The following PLPPR1 variants were observed in gnomAD, a reference collection of about 807,000 sequenced individuals.
PLPPR1 encodes phospholipid phosphatase related 1.
PLPPR1 carries 10 observed loss-of-function variants against 33.1 expected under a neutral mutation model. The observed-to-expected ratio is 0.30, with a 90% CI of 0.19 to 0.51. The LOEUF is 0.51. Ranked by LOEUF, PLPPR1 falls within the 20% of genes least tolerant of loss-of-function variation. PLPPR1 has a pLI of 0.97. For missense variants in PLPPR1, 304 were observed against 408.1 expected (o/e 0.74, Z 2.20); for synonymous variants, 151 against 151.0 (o/e 1.00, Z 0.00).
intron 2 of PLPPR1, among the ~76,000 whole-genome samples, chr9:101,222,313 A>C (rs951638877): frequency 1.3e-5 from 2 of 152,250 alleles, no homozygotes; most frequent in Admixed American, 1.3e-4. Context: ...CAGATTCTGC[A>C]GTCTACCATT....
At chr9:101,186,858 T>C (rs924412036) in intron 2 of PLPPR1, among the ~76,000 whole-genome samples, 2 of 151,888 alleles carry the variant, frequency 1.3e-5, no homozygotes, top group Non-Finnish European at 2.9e-5. Context: ...GGAACAGAGA[T>C]GTTAATATAA....
chr9:101,146,956 A>C (rs937535222), intron 1 of PLPPR1, among the ~76,000 whole-genome samples: 10 of 152,210 alleles, frequency 6.6e-5, no homozygotes, highest in African/African-American at 2.4e-4. Flanking sequence ...AAAAAGAACT[A>C]GGATGTTGTT....
At chr9:101,076,922 C>T (rs942704116) in intron 1 of PLPPR1, among the ~76,000 whole-genome samples, 4 of 152,220 alleles carry the variant, frequency 2.6e-5, no homozygotes, top group African/African-American at 9.6e-5. Flanking sequence ...TTCTTCCCTA[C>T]TTCCCTCTTT....
At position 101,138,868 on chromosome 9, in the gene PLPPR1, G is replaced by T. The variant is rs546869463; in HGVS notation, c.-45-46582G>T. ...TGTGTATTTCCATTTCAAATTTCAT[G>T]TTTTTTCCCCAGGGTTTGGTAGGAT... On this transcript the variant is annotated intron_variant, in intron 1 of 7. Coordinates refer to ENST00000374874, the MANE Select transcript of PLPPR1 (RefSeq NM_207299.2). 1.2e-4 allele frequency among the ~76,000 whole-genome samples: 18 copies of T among 152,246 alleles called. No homozygotes were observed. The South Asian group carries it at 2.5e-3, about 21-fold the overall frequency.
chr9:101,134,531 C>T (rs1265112116), intron 1 of PLPPR1, among the ~76,000 whole-genome samples: 1 of 151,844 alleles, frequency 6.6e-6, no homozygotes, highest in Non-Finnish European at 1.5e-5. Context: ...TACAGGCATG[C>T]CCCACCATGC....
intron 1 of PLPPR1, among the ~76,000 whole-genome samples, chr9:101,058,013 T>C (rs370475436): frequency 2.0e-5 from 3 of 152,012 alleles, no homozygotes; most frequent in African/African-American, 4.8e-5. Flanking sequence ...TCTGAGCCCA[T>C]TGGAAAGCAC....
At chr9:101,304,113 A>G (rs1450847812) in intron 4 of PLPPR1, among the ~76,000 whole-genome samples, 1 of 152,202 alleles carries the variant, frequency 6.6e-6, no homozygotes, top group African/African-American at 2.4e-5. Context: ...TTCATGAGAC[A>G]CTTATAAAGT....
At chr9:101,280,264 A>T (rs1250765039) in intron 3 of PLPPR1, among the ~76,000 whole-genome samples, 1 of 152,176 alleles carries the variant, frequency 6.6e-6, no homozygotes, top group East Asian at 1.9e-4. Flanking sequence ...TGAATAGATC[A>T]ATAACAAGTA....
intron 2 of PLPPR1, among the ~76,000 whole-genome samples, chr9:101,229,176 A>G (rs1827133620): frequency 6.6e-6 from 1 of 152,160 alleles, no homozygotes; most frequent in East Asian, 1.9e-4. Context: ...CACAAGTGTA[A>G]TTGTATATTG....
Position 101,309,402 on chromosome 9 carries a change from C to A in PLPPR1, c.577C>A (p.Arg193=), listed in dbSNP as rs571135401. Residue 193 remains arginine (R), a synonymous_variant, in exon 5 of 8, where the codon CGG becomes AGG. Coordinates refer to ENST00000374874, the MANE Select transcript of PLPPR1 (RefSeq NM_207299.2). ...TGDLEVIEKA[R]RSFPSKHAAL... ...GGACCTGGAAGTGATAGAAAAGGCT[C>A]GGAGATCCTTTCCCTCCAAACACGC... is the stretch of plus-strand genomic sequence containing the variant. The A allele has an allele frequency of 2.5e-6, 4 of 1,614,014 alleles. No homozygotes were observed. In the East Asian group the frequency reaches 6.7e-5, roughly 27 times the overall value.
chr9:101,132,061 A>G lies in PLPPR1; in HGVS notation c.-45-53389A>G, dbSNP rs184153297. Among the ~76,000 whole-genome samples, 74 of 152,368 alleles carry G rather than the reference A, an allele frequency of 4.9e-4. 1 individual carries two copies. The East Asian group carries it at 0.014, about 28-fold the overall frequency. On this transcript the variant is annotated intron_variant, in intron 1 of 7. Coordinates refer to ENST00000374874, the MANE Select transcript of PLPPR1 (RefSeq NM_207299.2). The stretch of plus-strand genomic sequence containing the variant: ...TGTATTGGGATTATCTTGGTTTTCC[A>G]TAACTACATTTGTCTTAGACTATTT...
chr9:101,160,153 G>A (rs896148017), intron 1 of PLPPR1, among the ~76,000 whole-genome samples: 1 of 152,138 alleles, frequency 6.6e-6, no homozygotes, highest in African/African-American at 2.4e-5. Flanking sequence ...TGGGAGAATG[G>A]TTTTATTCCC....
At chr9:101,180,610 CAG>C (rs1368339148) in intron 1 of PLPPR1, among the ~76,000 whole-genome samples, 1 of 151,688 alleles carries the variant, frequency 6.6e-6, no homozygotes, top group Non-Finnish European at 1.5e-5. Flanking sequence ...TGATTTTCAA[CAG>C]AGGTGCCAAG....
chr9:101,286,046 G>T, intron 3 of PLPPR1, 58 bp from the exon 4 acceptor site: 1 of 1,452,136 alleles, frequency 6.9e-7, no homozygotes, highest in Non-Finnish European at 9.5e-7. Flanking sequence ...TTAAAGCCAT[G>T]GGCCTCTCTT....
At chr9:101,286,826 GT>G (rs1828403027) in intron 4 of PLPPR1, among the ~76,000 whole-genome samples, 1 of 152,194 alleles carries the variant, frequency 6.6e-6, no homozygotes, top group Non-Finnish European at 1.5e-5. Context: ...GGGAATAAAT[GT>G]GTATGGGTAC....
rs375235581 is a variant in PLPPR1, at chr9:101,258,846, T to C, written c.64-11034T>C. ...CAGAAACTTGCTGTAGGATTTTATA[T>C]TTATCCCAAATGTCAGAATCATTTT... On this transcript the variant is annotated intron_variant, in intron 2 of 7. Transcript: ENST00000374874. Among the ~76,000 whole-genome samples the C allele has an allele frequency of 2.6e-5, 4 of 152,176 alleles. No individual in the cohort carries two copies. The East Asian group carries it at 7.7e-4, about 29-fold the overall frequency.
intron 7 of PLPPR1, among the ~76,000 whole-genome samples, chr9:101,323,533 A>T (rs1829194494): frequency 6.6e-6 from 1 of 150,766 alleles, no homozygotes. Flanking sequence ...AAAATCAGGG[A>T]AGTTTTAATA....
At chr9:101,120,285 G>T (rs1472339250) in intron 1 of PLPPR1, among the ~76,000 whole-genome samples, 1 of 152,132 alleles carries the variant, frequency 6.6e-6, no homozygotes, top group Non-Finnish European at 1.5e-5. Flanking sequence ...CCTATTGTTA[G>T]CCTTGATGGC....
At chr9:101,073,060 CTAT>C in intron 1 of PLPPR1, among the ~76,000 whole-genome samples, 1 of 152,238 alleles carries the variant, frequency 6.6e-6, no homozygotes, top group South Asian at 2.1e-4. Context: ...AAGGTAGCTA[CTAT>C]TATTATGCAG....
Sources: allele counts gnomAD v4.1 joint callset (sites outside exome capture counted in the v4.1 genomes callset), GRCh38; gene constraint gnomAD v4.1.1; transcripts MANE v1.5; gene names NCBI Gene and HGNC (gene_info 2026-07-23, HGNC 2026-07-21).